ZMIZ1: variants seen among roughly 807,000 people sequenced by gnomAD.
ZMIZ1 encodes zinc finger MIZ domain-containing protein 1.
ZMIZ1 carries 17 observed loss-of-function variants against 113.9 expected under a neutral mutation model. That is an observed-to-expected ratio of 0.15 (90% CI 0.10 to 0.22). The LOEUF (loss-of-function observed/expected upper bound fraction) is 0.22. Ranked by LOEUF, ZMIZ1 falls within the 10% of genes least tolerant of loss-of-function variation. The pLI is 1.00. For synonymous variants in ZMIZ1, 607 were observed against 603.1 expected (o/e 1.01, Z -0.09); for missense variants, 1,059 against 1,477.8 (o/e 0.72, Z 4.65).
chr10:79,263,968 A>C (rs1406494184), intron 7 of ZMIZ1, among the ~76,000 whole-genome samples: 1 of 152,210 alleles, frequency 6.6e-6, no homozygotes, highest in Non-Finnish European at 1.5e-5. Flanking sequence ...TAAATTATGC[A>C]GGGAAGAAAT....
intron 1 of ZMIZ1, among the ~76,000 whole-genome samples, chr10:79,114,904 G>T (rs1179202958): frequency 6.6e-6 from 1 of 152,226 alleles, no homozygotes; most frequent in African/African-American, 2.4e-5. Context: ...GGGACCTGGA[G>T]GGTCATCTGC....
chr10:79,169,339 G>A (rs138098045), intron 4 of ZMIZ1, among the ~76,000 whole-genome samples: 2 of 152,340 alleles, frequency 1.3e-5, no homozygotes, highest in Non-Finnish European at 2.9e-5. Flanking sequence ...CTCAGGTAGG[G>A]GTTCCCAGTT....
rs150778411 is a variant in ZMIZ1 at position 79,088,033 on chromosome 10, C to T, written c.-337+18763C>T. 1.0e-3 allele frequency among the ~76,000 whole-genome samples: 155 copies of T among 152,368 alleles called. 1 individual carries two copies. Among genetic ancestry groups the T allele is most frequent in the African/African-American group, 3.5e-3 (147 of 41,590 alleles). On this transcript the variant is annotated intron_variant, in intron 1 of 24. Coordinates refer to ENST00000334512, the MANE Select transcript of ZMIZ1 (RefSeq NM_020338.4). The stretch of plus-strand genomic sequence containing the variant: ...AGTGCGCTCCCTGCAAGTTGAATAA[C>T]ACATGGTGGCTACCCTTTCCCAGAG...
rs1855326774 is a variant in ZMIZ1 at position 79,313,352 on chromosome 10, A to C, written c.*603A>C. On this transcript the variant is annotated 3_prime_UTR_variant, in exon 25 of 25. Coordinates refer to ENST00000334512, the MANE Select transcript of ZMIZ1 (RefSeq NM_020338.4). ...TCGGGGGCCAGGGGTCATCGGTTTG[A>C]CCCCTGACCTATAAGCCAAGATACC... The C allele has an allele frequency of 1.3e-5, 2 of 155,214 alleles. No individual in the cohort carries two copies. The highest frequency in any genetic ancestry group is 4.0e-4 in the South Asian group (2 of 4,956). The allele number at this position is 155,214 out of a possible 1,614,324, so 9.6% of individuals were successfully genotyped here. A position where few individuals can be genotyped will look rare whatever the true frequency, so the allele number is the denominator to read the frequency against.
chr10:79,257,398 G>A (rs1850982208), intron 7 of ZMIZ1, among the ~76,000 whole-genome samples: 1 of 152,252 alleles, frequency 6.6e-6, no homozygotes, highest in Non-Finnish European at 1.5e-5. Context: ...CTCTGCAAAA[G>A]CTTTAGGACT....
intron 18 of ZMIZ1, 68 bp from the exon 19 acceptor site, chr10:79,303,947 C>A: frequency 6.3e-7 from 1 of 1,594,414 alleles, no homozygotes; most frequent in Non-Finnish European, 8.6e-7. Flanking sequence ...GTGGGGAGCA[C>A]GTGCAGACCC....
intron 7 of ZMIZ1, among the ~76,000 whole-genome samples, chr10:79,242,742 G>A (rs1849913284): frequency 6.6e-6 from 1 of 152,116 alleles, no homozygotes; most frequent in Middle Eastern, 3.4e-3. Flanking sequence ...AGCCCCACTC[G>A]CACAAGTGTT....
intron 7 of ZMIZ1, among the ~76,000 whole-genome samples, chr10:79,225,543 A>C (rs1849165379): frequency 1.3e-5 from 2 of 152,068 alleles, no homozygotes; most frequent in South Asian, 4.2e-4. Flanking sequence ...CAGCCTGGAC[A>C]TCATAGTGAG....
intron 4 of ZMIZ1, among the ~76,000 whole-genome samples, chr10:79,184,656 A>C (rs544936513): frequency 6.6e-6 from 1 of 152,216 alleles, no homozygotes; most frequent in Admixed American, 6.5e-5. Context: ...CAGACCTTTC[A>C]ATCTTTCTCT....
At chr10:79,187,500 G>A (rs1459792407) in intron 4 of ZMIZ1, among the ~76,000 whole-genome samples, 2 of 152,194 alleles carry the variant, frequency 1.3e-5, no homozygotes, top group Non-Finnish European at 2.9e-5. Flanking sequence ...GTGAGAATTC[G>A]ATGGGATGAT....
intron 7 of ZMIZ1, among the ~76,000 whole-genome samples, chr10:79,236,500 C>T (rs183020980): frequency 1.1e-3 from 165 of 152,328 alleles, no homozygotes; most frequent in Non-Finnish European, 1.6e-3. Flanking sequence ...GACATTCGAG[C>T]TGCCGTTGCC....
At chr10:79,195,687 G>A (rs2132629817) in intron 4 of ZMIZ1, among the ~76,000 whole-genome samples, 1 of 152,340 alleles carries the variant, frequency 6.6e-6, no homozygotes, top group South Asian at 2.1e-4. Flanking sequence ...AGTGATGTAA[G>A]TGACTGGATT....
chr10:79,234,620 T>C (rs1208544513), intron 7 of ZMIZ1, among the ~76,000 whole-genome samples: 3 of 152,174 alleles, frequency 2.0e-5, no homozygotes. Flanking sequence ...ACATACTTAA[T>C]AGATAAACAT....
At chr10:79,132,542 C>T (rs976035926) in intron 2 of ZMIZ1, among the ~76,000 whole-genome samples, 8 of 152,232 alleles carry the variant, frequency 5.3e-5, no homozygotes, top group East Asian at 1.9e-4. Flanking sequence ...AACCCATGCC[C>T]GTAAAAGTAT....
At chr10:79,095,903 C>T (rs1317107291) in intron 1 of ZMIZ1, among the ~76,000 whole-genome samples, 2 of 152,236 alleles carry the variant, frequency 1.3e-5, no homozygotes, top group Admixed American at 6.5e-5. Context: ...GTGTGTACTA[C>T]GTGTGGCCAT....
At chr10:79,223,632 C>A (rs562478711) in intron 7 of ZMIZ1, among the ~76,000 whole-genome samples, 1 of 152,238 alleles carries the variant, frequency 6.6e-6, no homozygotes, top group Non-Finnish European at 1.5e-5. Flanking sequence ...AGGCAACTGG[C>A]GCTCTTATCA....
intron 7 of ZMIZ1, among the ~76,000 whole-genome samples, chr10:79,262,394 T>C (rs917775194): frequency 6.6e-6 from 1 of 152,250 alleles, no homozygotes; most frequent in African/African-American, 2.4e-5. Flanking sequence ...ATCCCTGGCC[T>C]GGAGATCCAG....
chr10:79,114,327 G>A (rs1009421736), intron 1 of ZMIZ1, among the ~76,000 whole-genome samples: 3 of 152,196 alleles, frequency 2.0e-5, no homozygotes, highest in Non-Finnish European at 4.4e-5. Context: ...CGCCGTCTCC[G>A]GTTTAGCGGG....
chr10:79,080,965 G>A (rs892304049), intron 1 of ZMIZ1, among the ~76,000 whole-genome samples: 1 of 152,024 alleles, frequency 6.6e-6, no homozygotes, highest in Non-Finnish European at 1.5e-5. Flanking sequence ...GACCATTAGG[G>A]ACCTTGGCGC....
Sources: allele counts gnomAD v4.1 joint callset (sites outside exome capture counted in the v4.1 genomes callset), GRCh38; gene constraint gnomAD v4.1.1; transcripts MANE v1.5; gene names NCBI Gene and HGNC (gene_info 2026-07-23, HGNC 2026-07-21).